GET4: variants seen among roughly 807,000 people sequenced by gnomAD.
The protein encoded by GET4 is guided entry of tail-anchored proteins factor 4.
Under a neutral mutation model 40.0 loss-of-function variants are expected in GET4, and 20 were observed. That is an observed-to-expected ratio of 0.50 (90% confidence interval 0.35 to 0.73). The LOEUF is 0.73. GET4 is among the 30% of genes least tolerant of loss of function. GET4 has a pLI of 0.01. For synonymous variants in GET4, 280 were observed against 194.6 expected, an observed-to-expected ratio of 1.44 and a Z score of -3.65; for missense variants, 557 against 454.0, an observed-to-expected ratio of 1.23 and a Z score of -2.06.
Position 877,462 on chromosome 7 carries a change from C to G in GET4, c.155+662C>G, listed in dbSNP as rs1843984599. ...TCCCGTCTCTCTACCCTGCCTCCCTCTGCCCCCCGCCTCTCTCCCTGTCCT... is the reference window on the plus strand; with the variant it reads ...TCCCGTCTCTCTACCCTGCCTCCCTGTGCCCCCCGCCTCTCTCCCTGTCCT... On this transcript the variant is annotated intron_variant, in intron 1 of 8. Transcript: ENST00000265857. Among the ~76,000 whole-genome samples, 6 of 99,954 alleles carry G rather than the reference C, an allele frequency of 6.0e-5. No individual in the cohort carries two copies. In the South Asian group the frequency reaches 2.5e-3, roughly 41 times the overall value. 65.6% of individuals were successfully genotyped at this position (99,954 alleles called of 152,430 possible).
chr7:888,485 T>C lies in GET4; in HGVS notation c.466+966T>C, dbSNP rs142843490. On this transcript the variant is annotated intron_variant, in intron 4 of 8. Coordinates refer to ENST00000265857, the MANE Select transcript of GET4 (RefSeq NM_015949.3). ...TGGCAGGCTTTCCCGACCTTCTCCC[T>C]GAGCGACAGGAATGGGAAGTGAGCA... Among the ~76,000 whole-genome samples the C allele has an allele frequency of 5.1e-3, 776 of 152,346 alleles. 7 individuals are homozygous for C. Among genetic ancestry groups the C allele is most frequent in the Admixed American group, 0.018 (270 of 15,304 alleles).
chr7:892,531 C>G, intron 6 of GET4, 113 bp downstream of exon 6: 1 of 1,154,716 alleles, frequency 8.7e-7, no homozygotes, highest in Non-Finnish European at 1.2e-6. Flanking sequence ...GTGTGGGTAG[C>G]CGTGTGGGTA....
intron 1 of GET4, chr7:880,966 G>C (rs1388800803): frequency 6.6e-6 from 1 of 152,248 alleles, no homozygotes. Flanking sequence ...TTGGGTTCAG[G>C]CAATTCTCGT....
intron 4 of GET4, among the ~76,000 whole-genome samples, chr7:887,998 G>A (rs367870577): frequency 1.3e-5 from 2 of 152,204 alleles, no homozygotes; most frequent in Non-Finnish European, 2.9e-5. Context: ...GAGTGGTGCT[G>A]GGTAGATATT....
chr7:878,753 G>C (rs1357277787), intron 1 of GET4, among the ~76,000 whole-genome samples: 1 of 151,996 alleles, frequency 6.6e-6, no homozygotes. Flanking sequence ...GCTAATTTTT[G>C]TATTTTTACT....
Position 893,791 on chromosome 7 carries a change from C to T in GET4, c.798C>T (p.Leu266=), listed in dbSNP as rs765844990. The change falls in exon 7 of 9, where the codon CTC becomes CTT. Residue 266 remains leucine (L), a synonymous_variant. Transcript: ENST00000265857. Reference sequence around the variant, plus strand: ...TGTGTGAGCAGTACCAGCCATCCCTCCGGCGGGACCCCATGTACAACGAGG... The same window carrying T: ...TGTGTGAGCAGTACCAGCCATCCCTTCGGCGGGACCCCATGTACAACGAGG... ...TVLCEQYQPS[L]RRDPMYNEYL... 38 of 1,611,404 alleles carry T rather than the reference C, an allele frequency of 2.4e-5. No individual in the cohort carries two copies. The East Asian group carries it at 6.7e-4, about 28-fold the overall frequency.
intron 8 of GET4, 97 bp from the exon 9 acceptor site, chr7:895,237 A>G: frequency 1.5e-6 from 1 of 647,578 alleles, no homozygotes; most frequent in Non-Finnish European, 2.8e-6. Context: ...GTTCCATGGG[A>G]CACTGGGACA....
Position 891,015 on chromosome 7 carries a change from C to G in GET4, c.554C>G (p.Ser185Cys). The change falls in exon 5 of 9, where the codon TCC becomes TGC. Residue 185 changes from serine (S) to cysteine (C), a missense_variant. Physicochemically the swap from Ser to Cys is moderately radical, Grantham distance 112. Coordinates refer to ENST00000265857, the MANE Select transcript of GET4 (RefSeq NM_015949.3). ...CANMLVEYST[S>C]RGFRSEVDMF... ...AACATGCTGGTGGAGTATTCCACGT[C>G]CCGCGGCTTCCGCAGCGAGGTGGAC... is the stretch of plus-strand genomic sequence containing the variant. 6.2e-7 allele frequency: 1 copy of G among 1,611,434 alleles called. No individual in the cohort carries two copies.
intron 4 of GET4, among the ~76,000 whole-genome samples, chr7:889,165 A>C (rs1238766948): frequency 1.3e-5 from 2 of 152,240 alleles, no homozygotes; most frequent in African/African-American, 2.4e-5. Flanking sequence ...CGCTCGGCGC[A>C]TCTGCAGAGA....
chr7:892,476 C>G, intron 6 of GET4, 58 bp downstream of exon 6: 1 of 1,551,936 alleles, frequency 6.4e-7, no homozygotes, highest in Non-Finnish European at 8.8e-7. Flanking sequence ...TGTGTGTAGA[C>G]GTGGTGTGGA....
chr7:893,905 G>T lies in GET4; in HGVS notation c.829G>T (p.Asp277Tyr), dbSNP rs764855932. The change falls in exon 8 of 9, where the codon GAC (aspartate) becomes TAC (tyrosine). Residue 277 changes from aspartate to tyrosine, a missense_variant. Coordinates refer to ENST00000265857, the MANE Select transcript of GET4 (RefSeq NM_015949.3). ...CGCTGCCTGTGCCTTGCAGTACCTC[G>T]ACCGCATAGGACAGCTGTTCTTCGG... ...RRDPMYNEYLDRIGQLFFGVP... is the reference protein window; with the variant it reads ...RRDPMYNEYLYRIGQLFFGVP... 1.1e-5 allele frequency: 17 copies of T among 1,610,860 alleles called. No homozygotes were observed. The highest frequency in any genetic ancestry group is 1.7e-5 in the Admixed American group (1 of 59,860).
At chr7:883,340 T>A in intron 1 of GET4, 1 of 173,824 alleles carries the variant, frequency 5.8e-6, no homozygotes, top group Non-Finnish European at 1.1e-5. Context: ...CCCTGACAGC[T>A]GAACGCGCAA....
chr7:893,129 C>CGTG (rs60767221), intron 6 of GET4, among the ~76,000 whole-genome samples: 2 of 108,020 alleles, frequency 1.9e-5, no homozygotes, highest in Middle Eastern at 8.9e-3. Context: ...TGGGTGTAGG[C>CGTG]GTGGTGTGTG....
chr7:895,054 G>T (rs1260129192), intron 8 of GET4, among the ~76,000 whole-genome samples: 5 of 151,630 alleles, frequency 3.3e-5, no homozygotes, highest in Admixed American at 6.6e-5. Flanking sequence ...GGTTCTGTAG[G>T]CCCCCGTGGC....
chr7:880,976 T>TGCCTCA (rs1436937841), intron 1 of GET4: 1 of 152,236 alleles, frequency 6.6e-6, no homozygotes, highest in Non-Finnish European at 1.5e-5. Flanking sequence ...GCAATTCTCG[T>TGCCTCA]GCCTCAGCCT....
intron 4 of GET4, 33 bp from the exon 5 acceptor site, chr7:890,895 A>G (rs373011642): frequency 3.9e-6 from 6 of 1,523,144 alleles, no homozygotes; most frequent in Non-Finnish European, 5.5e-6. Context: ...TATTCGTGAA[A>G]TGTATTTACA....
intron 1 of GET4, chr7:884,471 C>T (rs1009935012): frequency 1.2e-5 from 9 of 729,170 alleles, no homozygotes; most frequent in Non-Finnish European, 1.6e-5. Context: ...TGCAGGCTGA[C>T]GGGGGTGCGG....
In GET4 at chr7:876,687, G is replaced by A. The variant is rs963339303; in HGVS notation, c.42G>A (p.Arg14=). Residue 14 remains arginine, a synonymous_variant, in exon 1 of 9, where the codon CGG becomes CGA. Transcript: ENST00000265857. ...CGATGGCCGAGCAGGAGAGCGCCCG[G>A]AACGGCGGCCGCAACCGCGGCGGCG... is the stretch of plus-strand genomic sequence containing the variant. ...AAAMAEQESA[R]NGGRNRGGVQ... 7.4e-7 allele frequency: 1 copy of A among 1,349,288 alleles called. No homozygotes were observed. The allele number at this position is 1,349,288 out of a possible 1,614,324, so 83.6% of individuals were successfully genotyped here.
chr7:878,368 T>G (rs1844011882), intron 1 of GET4: 2 of 471,004 alleles, frequency 4.2e-6, no homozygotes, highest in Admixed American at 4.7e-5. Flanking sequence ...AGATTATCTC[T>G]TATGGTTCAG....
Sources: gnomAD v4.1 joint callset for allele counts (sites outside exome capture counted in the v4.1 genomes callset) on GRCh38, gnomAD v4.1.1 for gene constraint, MANE v1.5 for transcripts, NCBI Gene and HGNC (gene_info 2026-07-23, HGNC 2026-07-21) for gene names.